The following TMEM253 variants were observed in gnomAD, a reference collection of about 807,000 sequenced individuals.
TMEM253 encodes the protein transmembrane protein C14orf176.
TMEM253 carries 22 observed loss-of-function variants against 20.3 expected under a neutral mutation model. That is an observed-to-expected ratio of 1.08 (90% CI 0.78 to 1.55). The LOEUF is 1.55. TMEM253 is among the 40% of genes most tolerant of loss of function. The pLI, the probability that TMEM253 is intolerant of heterozygous loss-of-function variation, is 0.00. For missense variants in TMEM253, 251 were observed against 266.1 expected (o/e 0.94, Z 0.39); for synonymous variants, 92 against 102.6 (o/e 0.90, Z 0.62).
At chr14:21,100,272 A>G (rs1405759999), upstream of TMEM253, among the ~76,000 whole-genome samples, 1 of 152,158 alleles carries the variant, frequency 6.6e-6, no homozygotes, top group Non-Finnish European at 1.5e-5. Flanking sequence ...AGACTGAGGC[A>G]GGATGATTAT....
chr14:21,101,111 T>C, exon 1 of TMEM253: 1 of 414,492 alleles, frequency 2.4e-6, no homozygotes, highest in East Asian at 4.8e-5. Context: ...TCGTCTGCTC[T>C]GAGCTATCAA....
At chr14:21,100,723 C>T (rs1208722100), upstream of TMEM253, among the ~76,000 whole-genome samples, 1 of 152,200 alleles carries the variant, frequency 6.6e-6, no homozygotes, top group East Asian at 1.9e-4. Context: ...TTCAACCTTA[C>T]CTGGTCTGGG....
At chr14:21,101,078 C>T (rs1473268094), upstream of TMEM253, 1 of 337,768 alleles carries the variant, frequency 3.0e-6, no homozygotes, top group East Asian at 6.4e-5. Context: ...CCCTGACAGC[C>T]TTCCTCTGCC....
At position 21,101,911 on chromosome 14, in the gene TMEM253, C is replaced by G. The variant is rs1341313647; in HGVS notation, c.155C>G (p.Ser52Ter). 1 of 1,551,500 alleles carries G rather than the reference C, an allele frequency of 6.4e-7. No homozygotes were observed. The highest frequency in any genetic ancestry group is 1.4e-5 in the African/African-American group (1 of 73,052). The change falls in exon 3 of 7, where the codon TCA becomes TGA. Residue 52 changes from serine to a stop codon, truncating the protein, a stop_gained. Coordinates refer to ENST00000556585, the Ensembl canonical transcript of TMEM253. LOFTEE classifies it high-confidence loss of function. ...GTGGTTGTGGTGCCCCTTGCTGTCT[C>G]AGTCGCCTGCCTGAACTCTGATTGT...
At chr14:21,101,331 G>A in exon 2 of TMEM253, 1 of 1,550,978 alleles carries the variant, frequency 6.4e-7, no homozygotes, top group Non-Finnish European at 8.7e-7. Flanking sequence ...TAATTCTTGT[G>A]GGCAAAGGAG....
chr14:21,101,467 C>G lies in TMEM253; in HGVS notation c.108+16C>G. On this transcript the variant is annotated intron_variant, in intron 2 of 6. Coordinates refer to ENST00000556585, the Ensembl canonical transcript of TMEM253. ...GGTGCTAGCGGTGAGGCCAGGCTAC[C>G]CCATCCCAGGTCTCAGCATGTCCAC... The G allele has an allele frequency of 6.5e-7, 1 of 1,548,238 alleles. No individual in the cohort carries two copies. Among genetic ancestry groups the G allele is most frequent in the East Asian group, 2.4e-5 (1 of 40,894 alleles).
chr14:21,101,046 C>T, upstream of TMEM253: 2 of 293,668 alleles, frequency 6.8e-6, no homozygotes, highest in East Asian at 8.1e-5. Flanking sequence ...TTCATAGAAA[C>T]CTTTGCCCCA....
At chr14:21,100,111 C>T (rs1889539478), upstream of TMEM253, among the ~76,000 whole-genome samples, 3 of 152,084 alleles carry the variant, frequency 2.0e-5, no homozygotes, top group Admixed American at 2.0e-4. Flanking sequence ...ACCTGTAATC[C>T]CAGCAGTTTG....
At chr14:21,099,161 C>A (rs1048662678), upstream of TMEM253, 16 of 200,754 alleles carry the variant, frequency 8.0e-5, no homozygotes, top group South Asian at 1.2e-4. Flanking sequence ...AGAAGTGGTA[C>A]CTTCCTTCCA....
chr14:21,098,913 T>C (rs191453915), upstream of TMEM253: 10 of 1,245,124 alleles, frequency 8.0e-6, 1 homozygote, highest in Admixed American at 2.2e-4. Flanking sequence ...ACAATTTCTG[T>C]CTCTCTTTTG....
chr14:21,103,457 C>A, exon 7 of TMEM253: 2 of 837,438 alleles, frequency 2.4e-6, no homozygotes, highest in Non-Finnish European at 3.6e-6. Context: ...AAGCTGCTTT[C>A]TCCCTTGCAT....
chr14:21,102,833 C>T (rs1594613760), intron 6 of TMEM253, 54 bp downstream of exon 6: 3 of 1,531,356 alleles, frequency 2.0e-6, no homozygotes, highest in East Asian at 4.9e-5. Flanking sequence ...AATTTTTCCA[C>T]TGCCTATCCT....
upstream of TMEM253, among the ~76,000 whole-genome samples, chr14:21,100,616 C>T (rs145719571): frequency 5.9e-3 from 899 of 152,242 alleles, 7 homozygotes; most frequent in Non-Finnish European, 9.0e-3. Context: ...ACAGGGTCCC[C>T]CCCATCCATT....
chr14:21,102,162 A>G, intron 4 of TMEM253, 42 bp downstream of exon 4: 2 of 1,532,374 alleles, frequency 1.3e-6, no homozygotes, highest in East Asian at 2.5e-5. Flanking sequence ...CCACTCCCTA[A>G]AACAGACACC....
At chr14:21,099,874 C>T (rs186172556), upstream of TMEM253, among the ~76,000 whole-genome samples, 1 of 152,256 alleles carries the variant, frequency 6.6e-6, no homozygotes, top group Admixed American at 6.5e-5. Context: ...GCTGGTTCTG[C>T]TTCCGACTGT....
At chr14:21,102,865 A>C in intron 6 of TMEM253, 86 bp downstream of exon 6, 7 of 1,493,548 alleles carry the variant, frequency 4.7e-6, no homozygotes, top group Non-Finnish European at 5.3e-6. Flanking sequence ...CTTAAGGGAA[A>C]ATAATGGGGC....
exon 7 of TMEM253, chr14:21,103,578 C>CA: frequency 6.8e-6 from 2 of 292,972 alleles, no homozygotes. Flanking sequence ...CCGGACCCTG[C>CA]ACACGCCAAC....
At chr14:21,102,495 G>A in exon 5 of TMEM253, 1 of 1,551,780 alleles carries the variant, frequency 6.4e-7, no homozygotes, top group Non-Finnish European at 8.7e-7. Context: ...CTTGGGGCCT[G>A]CCCCAACTGC....
intron 2 of TMEM253, 59 bp downstream of exon 2, chr14:21,101,510 C>T: frequency 7.5e-7 from 1 of 1,324,698 alleles, no homozygotes; most frequent in Non-Finnish European, 1.0e-6. Flanking sequence ...CAATTCAATT[C>T]CATCCATCCA....
Sources: gnomAD v4.1 joint callset for allele counts (sites outside exome capture counted in the v4.1 genomes callset) on GRCh38, gnomAD v4.1.1 for gene constraint, MANE v1.5 for transcripts, NCBI Gene and HGNC (gene_info 2026-07-23, HGNC 2026-07-21) for gene names.